Variants in ENAH observed in about 807,000 individuals in gnomAD.
ENAH encodes the protein ENAH actin regulator, also known as protein enabled homolog.
ENAH carries 23 observed loss-of-function variants against 78.7 expected under a neutral mutation model. The ratio of observed to expected loss-of-function variants is 0.29; its 90% CI spans 0.21 to 0.41. The LOEUF is 0.41. ENAH is among the 10% of genes least tolerant of loss of function. The pLI is 1.00. For synonymous variants in ENAH, 226 were observed against 241.0 expected, an observed-to-expected ratio of 0.94 and a Z score of 0.58; for missense variants, 544 against 691.0, an observed-to-expected ratio of 0.79 and a Z score of 2.39.
At chr1:225,616,666 T>G (rs1361399832) in intron 1 of ENAH, among the ~76,000 whole-genome samples, 1 of 152,122 alleles carries the variant, frequency 6.6e-6, no homozygotes, top group East Asian at 1.9e-4. Flanking sequence ...AAATCAAAAG[T>G]GATACCACCA....
intron 2 of ENAH, among the ~76,000 whole-genome samples, chr1:225,564,347 T>C (rs2096724051): frequency 6.6e-6 from 1 of 152,004 alleles, no homozygotes; most frequent in Non-Finnish European, 1.5e-5. Flanking sequence ...TGGAGTGCAA[T>C]GGCGCAATCT....
chr1:225,505,785 A>G (rs2096323750), intron 11 of ENAH, among the ~76,000 whole-genome samples: 1 of 152,200 alleles, frequency 6.6e-6, no homozygotes, highest in Non-Finnish European at 1.5e-5. Context: ...GATCAAATCT[A>G]TCAAAAGATA....
intron 1 of ENAH, among the ~76,000 whole-genome samples, chr1:225,619,149 A>C (rs1420156054): frequency 2.0e-5 from 3 of 152,180 alleles, no homozygotes; most frequent in East Asian, 1.9e-4. Context: ...AACACTTGCC[A>C]TTACCATGTG....
At chr1:225,505,312 A>G (rs2096317978) in intron 11 of ENAH, among the ~76,000 whole-genome samples, 1 of 152,206 alleles carries the variant, frequency 6.6e-6, no homozygotes. Flanking sequence ...TAAGTATATA[A>G]AAGTATACAA....
chr1:225,615,765 C>A (rs1405905351), intron 1 of ENAH, among the ~76,000 whole-genome samples: 2 of 148,600 alleles, frequency 1.3e-5, no homozygotes, highest in African/African-American at 2.5e-5. Flanking sequence ...AGCGTCTCTG[C>A]CCGGCCGCCC....
chr1:225,492,292 C>A lies in ENAH; in HGVS notation c.*5483G>T, dbSNP rs1245218759. 1 of 152,086 alleles carries A rather than the reference C, an allele frequency of 6.6e-6. No homozygotes were observed. Among genetic ancestry groups the A allele is most frequent in the Admixed American group, 6.6e-5 (1 of 15,256 alleles). 9.4% of individuals were successfully genotyped at this position (152,086 alleles called of 1,614,324 possible). On this transcript the variant is annotated 3_prime_UTR_variant, in exon 14 of 14. Coordinates refer to ENST00000366843, the MANE Select transcript of ENAH (RefSeq NM_018212.6). ...TTTGTAGAAATGAGTCTCCCTGTTA[C>A]CCAGGCTGATCTCAAAACTTCTGGC... is the stretch of plus-strand genomic sequence containing the variant.
chr1:225,495,835 A>C lies in ENAH; in HGVS notation c.*1940T>G, dbSNP rs938619984. ...GCATGACAATGAATATCTGATAGAA[A>C]AAAGAAATGTATACTTGAATTATGA... On this transcript the variant is annotated 3_prime_UTR_variant, in exon 14 of 14. Coordinates refer to ENST00000366843, the MANE Select transcript of ENAH (RefSeq NM_018212.6). The C allele has an allele frequency of 1.3e-5, 2 of 152,644 alleles. No individual in the cohort carries two copies. Among genetic ancestry groups the C allele is most frequent in the African/African-American group, 2.4e-5 (1 of 41,464 alleles). The allele number at this position is 152,644 out of a possible 1,614,324, so 9.5% of individuals were successfully genotyped here.
At chr1:225,636,831 GT>G (rs917037498) in intron 1 of ENAH, among the ~76,000 whole-genome samples, 1 of 151,992 alleles carries the variant, frequency 6.6e-6, no homozygotes, top group Non-Finnish European at 1.5e-5. Flanking sequence ...TTTATACTCC[GT>G]TTTTTTAAGG....
At chr1:225,520,786 T>A (rs928387833) in intron 4 of ENAH, among the ~76,000 whole-genome samples, 1 of 151,694 alleles carries the variant, frequency 6.6e-6, no homozygotes, top group Non-Finnish European at 1.5e-5. Flanking sequence ...GGCCTAGGAG[T>A]CTGAGGCTAC....
chr1:225,529,403 T>C (rs888793367), intron 4 of ENAH, among the ~76,000 whole-genome samples: 12 of 152,182 alleles, frequency 7.9e-5, no homozygotes, highest in Non-Finnish European at 1.5e-4. Context: ...AGATCTACCC[T>C]GACCACTCTA....
At chr1:225,552,282 G>A (rs1045357549) in intron 3 of ENAH, among the ~76,000 whole-genome samples, 32 of 151,788 alleles carry the variant, frequency 2.1e-4, no homozygotes, top group African/African-American at 6.3e-4. Context: ...GACTACAGGC[G>A]CCCGCCACCA....
chr1:225,630,675 G>C lies in ENAH; in HGVS notation c.5+22011C>G, dbSNP rs1658849665. 3.3e-5 allele frequency among the ~76,000 whole-genome samples: 5 copies of C among 152,162 alleles called. No homozygotes were observed. In the South Asian group the frequency reaches 8.3e-4, roughly 25 times the overall value. ...AAAGGCATTTTAATTTCTCCTGGCA[G>C]AAAATAAATTATCATACATGAGACT... On this transcript the variant is annotated intron_variant, in intron 1 of 13. Coordinates refer to ENST00000366843, the MANE Select transcript of ENAH (RefSeq NM_018212.6).
intron 1 of ENAH, among the ~76,000 whole-genome samples, chr1:225,637,963 TCAGAAG>T (rs1233419900): frequency 6.6e-6 from 1 of 152,058 alleles, no homozygotes. Flanking sequence ...AAAACAACAT[TCAGAAG>T]CTTGAACTTT....
At chr1:225,567,712 A>C (rs1323909383) in intron 1 of ENAH, among the ~76,000 whole-genome samples, 1 of 152,188 alleles carries the variant, frequency 6.6e-6, no homozygotes, top group Non-Finnish European at 1.5e-5. Context: ...TTCATTCACT[A>C]AACTGAATAC....
chr1:225,578,018 G>A (rs890912346), intron 1 of ENAH, among the ~76,000 whole-genome samples: 4 of 152,084 alleles, frequency 2.6e-5, no homozygotes, highest in South Asian at 2.1e-4. Context: ...TGACTCAGGC[G>A]GTAAAAAGAA....
intron 1 of ENAH, among the ~76,000 whole-genome samples, chr1:225,611,722 G>A (rs1044866775): frequency 6.6e-6 from 1 of 152,186 alleles, no homozygotes; most frequent in Admixed American, 6.6e-5. Flanking sequence ...AGGAGGTCAA[G>A]GCTGCAGTGA....
chr1:225,645,299 C>T (rs749959516), intron 1 of ENAH, among the ~76,000 whole-genome samples: 14 of 152,210 alleles, frequency 9.2e-5, no homozygotes, highest in Non-Finnish European at 1.6e-4. Context: ...TGGCATATAT[C>T]GCCTTTTGTG....
rs541171867 is a variant in ENAH, at chr1:225,531,234, C to T, written c.350-596G>A. On this transcript the variant is annotated intron_variant, in intron 3 of 13. Transcript: ENST00000366843. Reference sequence around the variant, plus strand: ...AAACTTCCATATAGTAATTAACCTACTGAACTGAATTTTTAATGTAACAGG... The same window carrying T: ...AAACTTCCATATAGTAATTAACCTATTGAACTGAATTTTTAATGTAACAGG... Among the ~76,000 whole-genome samples the T allele has an allele frequency of 7.2e-5, 11 of 152,132 alleles. No individual in the cohort carries two copies. In the South Asian group the frequency reaches 2.3e-3, roughly 32 times the overall value.
intron 2 of ENAH, 75 bp from the exon 3 acceptor site, chr1:225,555,158 A>G: frequency 7.8e-7 from 1 of 1,278,566 alleles, no homozygotes; most frequent in Non-Finnish European, 1.1e-6. Context: ...TGCTGATTGT[A>G]TATATTCATT....
Sources: gnomAD v4.1 joint callset for allele counts (sites outside exome capture counted in the v4.1 genomes callset) on GRCh38, gnomAD v4.1.1 for gene constraint, MANE v1.5 for transcripts, NCBI Gene and HGNC (gene_info 2026-07-23, HGNC 2026-07-21) for gene names.